Variants in MMP16 observed in about 807,000 individuals in gnomAD.
The protein encoded by MMP16 is matrix metallopeptidase 16.
Under a neutral mutation model 67.8 loss-of-function variants are expected in MMP16, and 12 were observed. The ratio of observed to expected loss-of-function variants is 0.18; its 90% CI spans 0.11 to 0.29. The LOEUF is 0.29. MMP16 is among the 10% of genes least tolerant of loss of function. MMP16 has a pLI of 1.00. For synonymous variants in MMP16, 249 were observed against 255.9 expected (o/e 0.97, Z 0.26); for missense variants, 475 against 765.7 (o/e 0.62, Z 4.48).
intron 1 of MMP16, among the ~76,000 whole-genome samples, chr8:88,298,666 G>A (rs888404888): frequency 6.6e-6 from 1 of 152,168 alleles, no homozygotes; most frequent in African/African-American, 2.4e-5. Context: ...ACATGGAAGC[G>A]TGAGACCTCT....
chr8:88,128,446 T>TC (rs1330811433), intron 4 of MMP16, among the ~76,000 whole-genome samples: 2 of 151,740 alleles, frequency 1.3e-5, no homozygotes, highest in East Asian at 3.9e-4. Flanking sequence ...TTTAGACAGG[T>TC]TTTTTTCCTG....
intron 1 of MMP16, among the ~76,000 whole-genome samples, chr8:88,272,374 T>C (rs1042226928): frequency 1.1e-4 from 17 of 152,186 alleles, no homozygotes; most frequent in Admixed American, 9.2e-4. Context: ...TAAAGCTTAG[T>C]GCTTGAACAT....
intron 1 of MMP16, among the ~76,000 whole-genome samples, chr8:88,198,304 C>G (rs908478506): frequency 1.3e-5 from 2 of 152,042 alleles, no homozygotes; most frequent in Non-Finnish European, 2.9e-5. Context: ...CTATAGGGCT[C>G]TAAGATTTCT....
At chr8:88,071,949 G>C (rs183457509) in intron 7 of MMP16, among the ~76,000 whole-genome samples, 2 of 152,074 alleles carry the variant, frequency 1.3e-5, no homozygotes, top group African/African-American at 4.8e-5. Flanking sequence ...AAGATATTGG[G>C]GATAAAACAG....
chr8:88,060,276 A>G lies in MMP16; in HGVS notation c.1223-3998T>C, dbSNP rs80272774. Among the ~76,000 whole-genome samples the G allele has an allele frequency of 3.9e-5, 6 of 152,248 alleles. No homozygotes were observed. In the East Asian group the frequency reaches 1.2e-3, roughly 29 times the overall value. On this transcript the variant is annotated intron_variant, in intron 7 of 9. Transcript: ENST00000286614. Reference sequence around the variant, plus strand: ...AATGGTACCATGCTGTCTTCCAGCCATGAGACTTAAGAGAAACCTGTGTAT... The same window carrying G: ...AATGGTACCATGCTGTCTTCCAGCCGTGAGACTTAAGAGAAACCTGTGTAT...
chr8:88,092,582 C>A (rs747325051), intron 6 of MMP16, among the ~76,000 whole-genome samples: 10 of 151,716 alleles, frequency 6.6e-5, no homozygotes, highest in Admixed American at 1.3e-4. Flanking sequence ...TTGTGGTATT[C>A]CCTGATACTA....
At chr8:88,106,678 C>G (rs1586154663) in intron 6 of MMP16, among the ~76,000 whole-genome samples, 1 of 151,128 alleles carries the variant, frequency 6.6e-6, no homozygotes, top group Non-Finnish European at 1.5e-5. Flanking sequence ...AAAAAAAACT[C>G]ACTGTATTTT....
chr8:88,277,619 G>T (rs1810668088), intron 1 of MMP16, among the ~76,000 whole-genome samples: 1 of 152,230 alleles, frequency 6.6e-6, no homozygotes, highest in African/African-American at 2.4e-5. Flanking sequence ...AAGTGCCTTT[G>T]TAAACCATAA....
chr8:88,069,536 G>T (rs747935775), intron 7 of MMP16: 5 of 523,616 alleles, frequency 9.5e-6, no homozygotes, highest in South Asian at 5.8e-5. Context: ...CAAAGGAAAG[G>T]TTTGTTTACT....
intron 1 of MMP16, among the ~76,000 whole-genome samples, chr8:88,220,932 C>A (rs1164570169): frequency 2.0e-5 from 3 of 152,104 alleles, no homozygotes; most frequent in Non-Finnish European, 4.4e-5. Context: ...AATAAATCCA[C>A]AAAGAATTGT....
intron 1 of MMP16, among the ~76,000 whole-genome samples, chr8:88,241,250 A>G (rs2129901319): frequency 6.6e-6 from 1 of 152,186 alleles, no homozygotes; most frequent in South Asian, 2.1e-4. Context: ...CAGAAATTTC[A>G]TTATGATTTC....
chr8:88,129,177 A>G (rs969814381), intron 4 of MMP16, among the ~76,000 whole-genome samples: 3 of 151,836 alleles, frequency 2.0e-5, no homozygotes, highest in Admixed American at 6.6e-5. Context: ...CCTATATTCA[A>G]GTAAACTGCT....
chr8:88,176,897 G>A (rs28907588), intron 3 of MMP16, among the ~76,000 whole-genome samples: 70,828 of 151,884 alleles, frequency 0.47, 17,675 homozygotes, highest in Non-Finnish European at 0.58. Context: ...GTTCCTCAGA[G>A]ATGTTTGATT....
At chr8:88,099,161 T>C (rs1809087610) in intron 6 of MMP16, among the ~76,000 whole-genome samples, 2 of 151,720 alleles carry the variant, frequency 1.3e-5, no homozygotes, top group African/African-American at 4.8e-5. Context: ...AATATAAGAA[T>C]TTTTTTATAT....
At chr8:88,184,774 AAAAAGAAAAGAAAAAAG>A (rs1809045941) in intron 3 of MMP16, among the ~76,000 whole-genome samples, 1 of 126,538 alleles carries the variant, frequency 7.9e-6, no homozygotes, top group African/African-American at 2.8e-5. Flanking sequence ...AAAAAAAAAA[AAAAAGAAAAGAAAAAAG>A]AATCCATGTT....
chr8:88,048,096 G>A (rs1808222005), intron 8 of MMP16, among the ~76,000 whole-genome samples: 2 of 152,150 alleles, frequency 1.3e-5, no homozygotes, highest in South Asian at 4.1e-4. Context: ...AGGAAGTAAG[G>A]GAAGGTAAGC....
At chr8:88,315,274 T>C (rs1811359542) in intron 1 of MMP16, among the ~76,000 whole-genome samples, 1 of 152,236 alleles carries the variant, frequency 6.6e-6, no homozygotes, top group Non-Finnish European at 1.5e-5. Flanking sequence ...GTGTCACATT[T>C]TGGTAATTCT....
At chr8:88,287,214 C>T (rs1810846324) in intron 1 of MMP16, among the ~76,000 whole-genome samples, 1 of 152,086 alleles carries the variant, frequency 6.6e-6, no homozygotes, top group Non-Finnish European at 1.5e-5. Context: ...AACTTACAAC[C>T]AGTTAAGAGT....
chr8:88,266,346 T>TA (rs33991960), intron 1 of MMP16, among the ~76,000 whole-genome samples: 118,326 of 152,020 alleles, frequency 0.78, 46,717 homozygotes, highest in East Asian at 0.99. Flanking sequence ...TGCTATTTTT[T>TA]AACATACTTT....
Sources: allele counts gnomAD v4.1 joint callset (sites outside exome capture counted in the v4.1 genomes callset), GRCh38; gene constraint gnomAD v4.1.1; transcripts MANE v1.5; gene names NCBI Gene and HGNC (gene_info 2026-07-23, HGNC 2026-07-21).